CAPN5: variants seen among roughly 807,000 people sequenced by gnomAD.
CAPN5 encodes calpain 5, also known as calpain-5.
A neutral mutation model predicts 73.0 loss-of-function variants in CAPN5; 54 were observed. The observed-to-expected ratio is 0.74, with a 90% confidence interval of 0.59 to 0.93. The LOEUF (loss-of-function observed/expected upper bound fraction) is 0.93, where lower values mean the gene tolerates loss of function less well. Among genes scored for constraint, CAPN5 ranks in the 40% least tolerant of loss-of-function variants. The pLI is 0.00. For synonymous variants in CAPN5, 335 were observed against 356.9 expected (o/e 0.94, Z 0.69); for missense variants, 785 against 882.9 (o/e 0.89, Z 1.41).
chr11:77,094,997 C>T (rs528441228), intron 3 of CAPN5, among the ~76,000 whole-genome samples: 16 of 152,258 alleles, frequency 1.1e-4, no homozygotes, highest in African/African-American at 3.1e-4. Flanking sequence ...GTCTGCAGAA[C>T]GGGGATGTGA....
chr11:77,115,017 C>G (rs1217730805), intron 5 of CAPN5, among the ~76,000 whole-genome samples: 3 of 151,836 alleles, frequency 2.0e-5, no homozygotes, highest in African/African-American at 4.8e-5. Flanking sequence ...GAGCCAAGAT[C>G]GCGCCATTGC....
intron 2 of CAPN5, among the ~76,000 whole-genome samples, chr11:77,088,676 G>A (rs932283535): frequency 3.9e-5 from 6 of 152,148 alleles, no homozygotes; most frequent in East Asian, 1.9e-4. Context: ...GGTGACTAGG[G>A]TGAAGCTGGA....
At chr11:77,098,528 CAG>C (rs2135446934) in intron 3 of CAPN5, among the ~76,000 whole-genome samples, 1 of 95,586 alleles carries the variant, frequency 1.0e-5, no homozygotes, top group Non-Finnish European at 2.1e-5. Flanking sequence ...CCCTCCCGGA[CAG>C]GGCGGCTGGC....
chr11:77,073,243 G>A (rs1949930075), intron 1 of CAPN5: 3 of 547,124 alleles, frequency 5.5e-6, no homozygotes, highest in African/African-American at 1.9e-5. Context: ...TTGGCCTGGG[G>A]CTGCCCCCTG....
intron 3 of CAPN5, among the ~76,000 whole-genome samples, chr11:77,111,411 G>A (rs1433252508): frequency 2.6e-5 from 4 of 152,134 alleles, no homozygotes; most frequent in African/African-American, 9.7e-5. Flanking sequence ...GACCCTGGAC[G>A]AGTTACGTGC....
chr11:77,076,311 C>T (rs920913398), intron 1 of CAPN5, among the ~76,000 whole-genome samples: 4 of 152,140 alleles, frequency 2.6e-5, no homozygotes, highest in Admixed American at 1.3e-4. Flanking sequence ...GCCGAGATCA[C>T]GCTACTGCGC....
chr11:77,084,681 C>T (rs782456602), intron 1 of CAPN5, among the ~76,000 whole-genome samples, 171 bp from the exon 2 acceptor site: 22 of 152,294 alleles, frequency 1.4e-4, no homozygotes, highest in South Asian at 4.1e-4. Flanking sequence ...GGAGTCAGGC[C>T]GGTCGGTGTC....
chr11:77,094,268 T>G (rs1246196116), intron 3 of CAPN5, among the ~76,000 whole-genome samples: 1 of 152,158 alleles, frequency 6.6e-6, no homozygotes, highest in Non-Finnish European at 1.5e-5. Context: ...GATCCCCAGC[T>G]TCATGACTCC....
At chr11:77,093,655 C>T (rs1176600912) in intron 2 of CAPN5, 27 bp from the exon 3 acceptor site, 4 of 1,549,446 alleles carry the variant, frequency 2.6e-6, no homozygotes, top group African/African-American at 1.4e-5. Flanking sequence ...CTCCGCCCCT[C>T]ACGCTCTCTC....
In CAPN5 at chr11:77,112,574, C is replaced by A. The variant is rs372129605; in HGVS notation, c.298-15C>A. ...CACTGTGTTCCCCCATCCTATCCCC[C>A]CTCCCCCTACCCAGGTCATCCCAGA... On this transcript the variant is annotated splice_polypyrimidine_tract_variant and intron_variant, in intron 3 of 12. Coordinates refer to ENST00000648180, the MANE Select transcript of CAPN5 (RefSeq NM_004055.5). The A allele has an allele frequency of 6.2e-7, 1 of 1,609,422 alleles. No homozygotes were observed.
Position 77,115,269 on chromosome 11 carries a change from C to T in CAPN5, c.700-126C>T, listed in dbSNP as rs1028429752. Reference sequence around the variant, plus strand: ...TTAAAGCTCTGTGAACACAGCACTGCCCCATGACTGCAATTCCCATCCCAT... The same window carrying T: ...TTAAAGCTCTGTGAACACAGCACTGTCCCATGACTGCAATTCCCATCCCAT... On this transcript the variant is annotated intron_variant, in intron 5 of 12. Coordinates refer to ENST00000648180, the MANE Select transcript of CAPN5 (RefSeq NM_004055.5). 7.9e-5 allele frequency: 56 copies of T among 706,302 alleles called. No individual in the cohort carries two copies. The South Asian group carries it at 1.0e-3, about 13-fold the overall frequency. The allele number at this position is 706,302 out of a possible 1,614,324, so 43.8% of individuals were successfully genotyped here. A position where few individuals can be genotyped will look rare whatever the true frequency, so the allele number is the denominator to read the frequency against.
intron 10 of CAPN5, among the ~76,000 whole-genome samples, chr11:77,121,586 C>G (rs1950520843): frequency 6.6e-6 from 1 of 152,248 alleles, no homozygotes. Context: ...CCTGGGTGAG[C>G]CTGCTGCTTC....
chr11:77,073,972 C>T (rs1555033559), intron 1 of CAPN5, among the ~76,000 whole-genome samples: 1 of 152,192 alleles, frequency 6.6e-6, no homozygotes, highest in African/African-American at 2.4e-5. Flanking sequence ...CCATCCATTC[C>T]TCAGCACACA....
chr11:77,070,557 G>A lies in CAPN5; in HGVS notation c.-36+3463G>A, dbSNP rs184480360. Reference sequence around the variant, plus strand: ...CTTCATTTCCCTCATGGGCTTCTCCGGGCAGGAGAGGCGGGTGGGACCCCA... The same window carrying A: ...CTTCATTTCCCTCATGGGCTTCTCCAGGCAGGAGAGGCGGGTGGGACCCCA... On this transcript the variant is annotated intron_variant, in intron 1 of 12. Transcript: ENST00000648180. 6.6e-5 allele frequency among the ~76,000 whole-genome samples: 10 copies of A among 152,326 alleles called. No individual in the cohort carries two copies. The South Asian group carries it at 8.3e-4, about 13-fold the overall frequency.
chr11:77,087,480 C>T (rs2135427577), intron 2 of CAPN5, among the ~76,000 whole-genome samples: 1 of 152,310 alleles, frequency 6.6e-6, no homozygotes, highest in East Asian at 1.9e-4. Context: ...AGTGGCTGCT[C>T]TGTTCTTAGA....
chr11:77,111,113 A>G (rs1950406116), intron 3 of CAPN5, among the ~76,000 whole-genome samples: 1 of 151,978 alleles, frequency 6.6e-6, no homozygotes, highest in South Asian at 2.1e-4. Flanking sequence ...AGCACTGCGG[A>G]TGCTGCTGAG....
chr11:77,071,071 G>A (rs902450411), intron 1 of CAPN5, among the ~76,000 whole-genome samples: 6 of 152,190 alleles, frequency 3.9e-5, no homozygotes, highest in Non-Finnish European at 5.9e-5. Context: ...CTTTGGGGCC[G>A]TCATTCAGCC....
chr11:77,090,998 C>T (rs1327222312), intron 2 of CAPN5, among the ~76,000 whole-genome samples: 2 of 152,186 alleles, frequency 1.3e-5, no homozygotes, highest in South Asian at 2.1e-4. Flanking sequence ...CTGCAGAAGC[C>T]GCCGTGCAGG....
chr11:77,101,242 A>C (rs1157693983), intron 3 of CAPN5, among the ~76,000 whole-genome samples: 1 of 152,190 alleles, frequency 6.6e-6, no homozygotes, highest in East Asian at 1.9e-4. Flanking sequence ...GACAAGACAC[A>C]CTTCCTACCC....
Sources: gnomAD v4.1 joint callset for allele counts (sites outside exome capture counted in the v4.1 genomes callset) on GRCh38, gnomAD v4.1.1 for gene constraint, MANE v1.5 for transcripts, NCBI Gene and HGNC (gene_info 2026-07-23, HGNC 2026-07-21) for gene names.